FAM53B: variants seen among roughly 807,000 people sequenced by gnomAD.
The protein encoded by FAM53B is family with sequence similarity 53 member B, also known as protein FAM53B.
FAM53B carries 12 observed loss-of-function variants against 32.7 expected under a neutral mutation model. The observed-to-expected ratio is 0.37, with a 90% CI of 0.24 to 0.59. The LOEUF (loss-of-function observed/expected upper bound fraction) is 0.59. Among genes scored for constraint, FAM53B ranks in the 20% least tolerant of loss-of-function variants. The probability of loss-of-function intolerance (pLI) is 0.72; values close to 1 mark genes in which losing one functional copy is unlikely to be tolerated. For synonymous variants in FAM53B, 234 were observed against 228.7 expected (o/e 1.02, Z -0.21); for missense variants, 477 against 577.7 (o/e 0.83, Z 1.79).
intron 1 of FAM53B, among the ~76,000 whole-genome samples, chr10:124,715,629 G>A (rs1007523619): frequency 6.6e-6 from 1 of 152,178 alleles, no homozygotes; most frequent in African/African-American, 2.4e-5. Flanking sequence ...CACAGAGCCT[G>A]CCCACGGCAG....
Position 124,681,355 on chromosome 10 carries a change from A to G in FAM53B, c.906+252T>C, listed in dbSNP as rs547300688. Among the ~76,000 whole-genome samples the G allele has an allele frequency of 6.6e-4, 101 of 152,306 alleles. 3 individuals are homozygous for G. The South Asian group carries it at 0.02, about 31-fold the overall frequency. On this transcript the variant is annotated intron_variant, in intron 4 of 4. Coordinates refer to ENST00000337318, the MANE Select transcript of FAM53B (RefSeq NM_014661.4). ...TCTGCCCACCAACACCCCGCCTCTC[A>G]CCATCCACCTGCCCTTGTACCCCTA...
At chr10:124,699,960 C>A (rs1033578364) in intron 2 of FAM53B, among the ~76,000 whole-genome samples, 1 of 152,232 alleles carries the variant, frequency 6.6e-6, no homozygotes, top group Admixed American at 6.5e-5. Context: ...AGTTCTCTTT[C>A]GGGGTGAGTT....
chr10:124,653,199 C>T (rs191517086), intron 4 of FAM53B, among the ~76,000 whole-genome samples: 84 of 142,432 alleles, frequency 5.9e-4, no homozygotes, highest in African/African-American at 2.0e-3. Context: ...TTTATCCCTG[C>T]TCAGTGAATG....
chr10:124,714,886 G>A (rs1950030195), intron 1 of FAM53B, among the ~76,000 whole-genome samples: 1 of 152,148 alleles, frequency 6.6e-6, no homozygotes, highest in African/African-American at 2.4e-5. Context: ...ACAGTGCCAG[G>A]CCCTGTGCTT....
chr10:124,684,671 C>T lies in FAM53B; in HGVS notation c.134-2292G>A, dbSNP rs555965635. On this transcript the variant is annotated intron_variant, in intron 3 of 4. Transcript: ENST00000337318. The stretch of plus-strand genomic sequence containing the variant: ...AGTAGCTGGGATTACAGGCATGTAC[C>T]ACACGCCCAGCTAATTTTTGTATTT... Among the ~76,000 whole-genome samples the T allele has an allele frequency of 3.3e-5, 5 of 152,050 alleles. No individual in the cohort carries two copies. In the South Asian group the frequency reaches 1.0e-3, roughly 32 times the overall value.
chr10:124,725,857 T>C (rs887050252), intron 1 of FAM53B, among the ~76,000 whole-genome samples: 3 of 152,008 alleles, frequency 2.0e-5, no homozygotes. Flanking sequence ...GAAAATAAGA[T>C]GCAGTGGGAA....
Position 124,630,481 on chromosome 10 carries a change from G to T in FAM53B, c.907-6877C>A, listed in dbSNP as rs1949383854. Among the ~76,000 whole-genome samples, 4 of 152,198 alleles carry T rather than the reference G, an allele frequency of 2.6e-5. No homozygotes were observed. The South Asian group carries it at 8.3e-4, about 31-fold the overall frequency. ...TTTTGTGAAATGCTTACCACCTTTG[G>T]ACCCCAAAGAGGCAGCCCTTCTGAG... On this transcript the variant is annotated intron_variant, in intron 4 of 4. Coordinates refer to ENST00000337318, the MANE Select transcript of FAM53B (RefSeq NM_014661.4).
chr10:124,638,572 C>T (rs1034143669), intron 4 of FAM53B, among the ~76,000 whole-genome samples: 1 of 152,202 alleles, frequency 6.6e-6, no homozygotes, highest in African/African-American at 2.4e-5. Context: ...AGCTGCACCA[C>T]GACAGAGGGA....
chr10:124,695,038 T>C (rs1289988017), intron 3 of FAM53B, among the ~76,000 whole-genome samples: 2 of 152,194 alleles, frequency 1.3e-5, no homozygotes, highest in African/African-American at 4.8e-5. Flanking sequence ...GTAAGGAGCC[T>C]GGCACAGTGC....
intron 2 of FAM53B, among the ~76,000 whole-genome samples, chr10:124,699,823 A>C (rs532132848): frequency 2.0e-5 from 3 of 152,320 alleles, no homozygotes; most frequent in African/African-American, 7.2e-5. Context: ...CCGCCCAGGA[A>C]GGAGGCCCTC....
At chr10:124,689,017 G>A (rs567606877) in intron 3 of FAM53B, among the ~76,000 whole-genome samples, 4 of 152,152 alleles carry the variant, frequency 2.6e-5, no homozygotes, top group Non-Finnish European at 5.9e-5. Context: ...GAAATGCCCC[G>A]ATTAGCAAGC....
At chr10:124,710,616 C>T (rs1388302778) in intron 1 of FAM53B, among the ~76,000 whole-genome samples, 1 of 152,164 alleles carries the variant, frequency 6.6e-6, no homozygotes, top group Non-Finnish European at 1.5e-5. Flanking sequence ...CTGGGTGATC[C>T]CACAGGGCGC....
chr10:124,736,606 C>T (rs1335024867), intron 1 of FAM53B, among the ~76,000 whole-genome samples: 3 of 152,382 alleles, frequency 2.0e-5, no homozygotes, highest in Admixed American at 1.3e-4. Flanking sequence ...CAGGCAGGGC[C>T]GAGGCCTCTC....
At position 124,711,902 on chromosome 10, in the gene FAM53B, T is replaced by TA. The variant is rs560904411; in HGVS notation, c.-174-5016dup. On this transcript the variant is annotated intron_variant, in intron 1 of 4. Coordinates refer to ENST00000337318, the MANE Select transcript of FAM53B (RefSeq NM_014661.4). ...CTCCATCTCTACAAAAAATAAAAACTAAAAAAAAAAAATAGCCAGGCGTGG... is the reference window on the plus strand; with the variant it reads ...CTCCATCTCTACAAAAAATAAAAACTAAAAAAAAAAAAATAGCCAGGCGTGG... Among the ~76,000 whole-genome samples the TA allele has an allele frequency of 1.1e-3, 162 of 141,590 alleles. No homozygotes were observed. The East Asian group carries it at 0.014, about 12-fold the overall frequency. The allele number at this position is 141,590 out of a possible 152,430, so 92.9% of individuals were successfully genotyped here. A position where few individuals can be genotyped will look rare whatever the true frequency, so the allele number is the denominator to read the frequency against.
chr10:124,675,822 T>C (rs1949733182), intron 4 of FAM53B, among the ~76,000 whole-genome samples: 1 of 152,242 alleles, frequency 6.6e-6, no homozygotes, highest in South Asian at 2.1e-4. Flanking sequence ...TGCCTCACCA[T>C]GTGACTTTGG....
chr10:124,665,685 C>T (rs1313836108), intron 4 of FAM53B, among the ~76,000 whole-genome samples: 2 of 152,150 alleles, frequency 1.3e-5, no homozygotes, highest in Non-Finnish European at 1.5e-5. Flanking sequence ...TCACGTGGGC[C>T]GGTGATATGG....
At chr10:124,739,953 AAAAAC>A (rs1950191496) in intron 1 of FAM53B, among the ~76,000 whole-genome samples, 1 of 152,176 alleles carries the variant, frequency 6.6e-6, no homozygotes, top group Admixed American at 6.5e-5. Flanking sequence ...CATTTAACAA[AAAAAC>A]AAACAAACAA....
intron 4 of FAM53B, among the ~76,000 whole-genome samples, chr10:124,633,246 GAA>G (rs10535148): frequency 0.29 from 39,219 of 135,742 alleles, 5,828 homozygotes; most frequent in South Asian, 0.39. Context: ...AAAATTGATA[GAA>G]AAAAAAAAAA....
intron 1 of FAM53B, among the ~76,000 whole-genome samples, chr10:124,741,428 G>T (rs1285312299): frequency 1.3e-5 from 2 of 152,208 alleles, no homozygotes; most frequent in Non-Finnish European, 2.9e-5. Flanking sequence ...TCGAGCGGTG[G>T]GTGAGAAGAG....
Sources: gnomAD v4.1 joint callset for allele counts (sites outside exome capture counted in the v4.1 genomes callset) on GRCh38, gnomAD v4.1.1 for gene constraint, MANE v1.5 for transcripts, NCBI Gene and HGNC (gene_info 2026-07-23, HGNC 2026-07-21) for gene names.